Variants in COTL1 observed in about 807,000 individuals in gnomAD.
The protein encoded by COTL1 is coactosin like F-actin binding protein 1, also known as coactosin-like protein.
Under a neutral mutation model 16.5 loss-of-function variants are expected in COTL1, and 15 were observed. The observed-to-expected ratio is 0.91, with a 90% CI of 0.61 to 1.40. The LOEUF (loss-of-function observed/expected upper bound fraction) is 1.40. Ranked by LOEUF, COTL1 falls within the 40% of genes most tolerant of loss-of-function variation. COTL1 has a pLI of 0.00. For synonymous variants in COTL1, 112 were observed against 85.3 expected (o/e 1.31, Z -1.73); for missense variants, 220 against 201.5 (o/e 1.09, Z -0.56).
rs987760534 is a variant in COTL1, at chr16:84,566,687, G to A, written c.*158C>T. On this transcript the variant is annotated 3_prime_UTR_variant, in exon 4 of 4. Coordinates refer to ENST00000262428, the MANE Select transcript of COTL1 (RefSeq NM_021149.5). Reference sequence around the variant, plus strand: ...GACACGGCAGGGTTCTAAGGGAAGCGGGAAGGTGGGGGCTGTGGACACAGG... The same window carrying A: ...GACACGGCAGGGTTCTAAGGGAAGCAGGAAGGTGGGGGCTGTGGACACAGG... The A allele has an allele frequency of 1.5e-5, 9 of 590,374 alleles. No individual in the cohort carries two copies. Among genetic ancestry groups the A allele is most frequent in the East Asian group, 2.8e-5 (1 of 35,386 alleles). 36.6% of individuals were successfully genotyped at this position (590,374 alleles called of 1,614,324 possible).
chr16:84,595,496 G>A (rs1904979882), intron 2 of COTL1: 1 of 152,152 alleles, frequency 6.6e-6, no homozygotes, highest in Admixed American at 6.5e-5. Flanking sequence ...CCTCACACTG[G>A]GCAGTGGAAG....
chr16:84,567,252 G>A, intron 3 of COTL1: 1 of 308,342 alleles, frequency 3.2e-6, no homozygotes, highest in South Asian at 3.9e-5. Flanking sequence ...AATTTGGGCT[G>A]TTACCTTGGC....
intron 2 of COTL1, among the ~76,000 whole-genome samples, chr16:84,600,007 G>A (rs560891855): frequency 8.5e-5 from 13 of 152,244 alleles, no homozygotes; most frequent in South Asian, 2.1e-4. Flanking sequence ...CTCAGTGGCC[G>A]CCCACGTCTG....
At chr16:84,605,619 G>C (rs1043294914) in intron 2 of COTL1, among the ~76,000 whole-genome samples, 1 of 152,194 alleles carries the variant, frequency 6.6e-6, no homozygotes, top group Non-Finnish European at 1.5e-5. Context: ...ATGAGGACTC[G>C]ACCTGCCAGT....
At chr16:84,592,466 C>G (rs1381419322) in intron 2 of COTL1, among the ~76,000 whole-genome samples, 1 of 152,092 alleles carries the variant, frequency 6.6e-6, no homozygotes, top group Non-Finnish European at 1.5e-5. Flanking sequence ...ATGTTTGCTT[C>G]TCAAACATTG....
intron 2 of COTL1, among the ~76,000 whole-genome samples, chr16:84,606,773 G>A (rs562162855): frequency 2.0e-4 from 31 of 152,200 alleles, no homozygotes; most frequent in African/African-American, 6.5e-4. Context: ...ACGTGCCCCC[G>A]CCTCCCAGGG....
intron 2 of COTL1, among the ~76,000 whole-genome samples, chr16:84,591,007 CATTTTT>C (rs1380892964): frequency 6.6e-6 from 1 of 152,144 alleles, no homozygotes; most frequent in Non-Finnish European, 1.5e-5. Context: ...CTTATATAGT[CATTTTT>C]ATTAAAATGG....
rs778759349 is a variant in COTL1 at position 84,590,676 on chromosome 16, C to A, written c.161-414G>T. Reference sequence around the variant, plus strand: ...GTGGGTGCCGCCAGCAGTGCCAGGGCCCAGCCAAAAAAAATTTAAAAATAA... The same window carrying A: ...GTGGGTGCCGCCAGCAGTGCCAGGGACCAGCCAAAAAAAATTTAAAAATAA... On this transcript the variant is annotated intron_variant, in intron 2 of 3. Coordinates refer to ENST00000262428, the MANE Select transcript of COTL1 (RefSeq NM_021149.5). The surrounding 1 kb of genome is among the most constrained non-coding windows in gnomAD (Gnocchi z 5.5). Among the ~76,000 whole-genome samples the A allele has an allele frequency of 9.9e-5, 15 of 151,998 alleles. No individual in the cohort carries two copies. Among genetic ancestry groups the A allele is most frequent in the Non-Finnish European group, 1.6e-4 (11 of 67,996 alleles).
At chr16:84,594,269 C>T (rs1485086785) in intron 2 of COTL1, 2 of 152,330 alleles carry the variant, frequency 1.3e-5, no homozygotes, top group East Asian at 3.8e-4. Context: ...CTACAAAACC[C>T]ACCTAGCCCA....
Position 84,590,066 on chromosome 16 carries a change from GGCGA to G in COTL1, c.318+35_318+38del. On this transcript the variant is annotated intron_variant, in intron 3 of 3. Coordinates refer to ENST00000262428, the MANE Select transcript of COTL1 (RefSeq NM_021149.5). This position sits in a 1 kb window ranked among gnomAD's most constrained non-coding sequence, Gnocchi z 5.5. ...CCCTCCTTGCAGGATGGTGACCCTT[GGCGA>G]GCTTTGACCTCCAGACTCTGGAGGA... 1.3e-6 allele frequency: 2 copies of G among 1,580,780 alleles called. No individual in the cohort carries two copies. The highest frequency in any genetic ancestry group is 1.1e-5 in the South Asian group (1 of 87,746).
intron 2 of COTL1, among the ~76,000 whole-genome samples, chr16:84,606,665 G>A (rs546403859): frequency 6.4e-4 from 97 of 152,322 alleles, no homozygotes; most frequent in African/African-American, 2.3e-3. Context: ...ATCCTGCCAC[G>A]TCTAGCTGCT....
At chr16:84,587,170 G>C (rs1348513508) in intron 3 of COTL1, among the ~76,000 whole-genome samples, 1 of 152,140 alleles carries the variant, frequency 6.6e-6, no homozygotes, top group African/African-American at 2.4e-5. Flanking sequence ...CAGCCTGTAG[G>C]GTTGAATAAG....
intron 3 of COTL1, among the ~76,000 whole-genome samples, chr16:84,585,373 GC>G (rs1335670733): frequency 7.1e-6 from 1 of 140,854 alleles, no homozygotes; most frequent in African/African-American, 2.7e-5. Context: ...AAAAAAAATC[GC>G]CCCCCTGGAT....
intron 2 of COTL1, among the ~76,000 whole-genome samples, chr16:84,613,347 G>T (rs555670975): frequency 6.6e-6 from 1 of 152,282 alleles, no homozygotes; most frequent in South Asian, 2.1e-4. Context: ...AATGAAGAAG[G>T]AATCACACTA....
chr16:84,592,625 G>A (rs572397989), intron 2 of COTL1, among the ~76,000 whole-genome samples: 13 of 150,400 alleles, frequency 8.6e-5, no homozygotes, highest in South Asian at 2.1e-4. Flanking sequence ...ATCAATCTGC[G>A]TTTCTTCCTA....
At chr16:84,606,681 TCA>T (rs1225129952) in intron 2 of COTL1, among the ~76,000 whole-genome samples, 2 of 152,092 alleles carry the variant, frequency 1.3e-5, no homozygotes, top group Non-Finnish European at 2.9e-5. Context: ...CTGCTCAACC[TCA>T]CAGAGGCACA....
chr16:84,591,662 A>AC (rs1567535583), intron 2 of COTL1, among the ~76,000 whole-genome samples: 1 of 127,662 alleles, frequency 7.8e-6, no homozygotes, highest in African/African-American at 3.0e-5. Context: ...AAAAAAAAAA[A>AC]AAACCAAAAA....
At chr16:84,589,853 C>A (rs1423724330) in intron 3 of COTL1, among the ~76,000 whole-genome samples, 5 of 152,122 alleles carry the variant, frequency 3.3e-5, no homozygotes, top group African/African-American at 1.2e-4. Context: ...CCCACGGAGG[C>A]AGGCACCCAG....
intron 3 of COTL1, among the ~76,000 whole-genome samples, chr16:84,579,435 C>T (rs185628735): frequency 4.6e-5 from 7 of 151,100 alleles, no homozygotes; most frequent in East Asian, 3.9e-4. Context: ...TGCTGTGAGC[C>T]GAGATCGTGC....
Sources: allele counts gnomAD v4.1 joint callset (sites outside exome capture counted in the v4.1 genomes callset), GRCh38; gene constraint gnomAD v4.1.1; non-coding constraint Gnocchi (gnomAD v3.1); transcripts MANE v1.5; gene names NCBI Gene and HGNC (gene_info 2026-07-23, HGNC 2026-07-21).